Variants in METTL24 observed in about 807,000 individuals in gnomAD.
The protein encoded by METTL24 is methyltransferase like 24, also known as probable methyltransferase-like protein 24.
Under a neutral mutation model 32.7 loss-of-function variants are expected in METTL24, and 29 were observed. That is an observed-to-expected ratio of 0.89 (90% confidence interval 0.66 to 1.21). The LOEUF is 1.21. Among genes scored for constraint, METTL24 ranks in the 50% most tolerant of loss-of-function variants. The pLI, the probability that METTL24 is intolerant of heterozygous loss-of-function variation, is 0.00. For synonymous variants in METTL24, 163 were observed against 179.5 expected (o/e 0.91, Z 0.73); for missense variants, 439 against 468.1 (o/e 0.94, Z 0.57).
At chr6:110,268,463 G>A (rs1444335841) in intron 4 of METTL24, among the ~76,000 whole-genome samples, 2 of 152,130 alleles carry the variant, frequency 1.3e-5, no homozygotes, top group Non-Finnish European at 2.9e-5. Flanking sequence ...AATGATAGAA[G>A]AAAAGCAAAT....
chr6:110,283,937 C>A (rs926514291), intron 4 of METTL24, among the ~76,000 whole-genome samples: 2 of 152,138 alleles, frequency 1.3e-5, no homozygotes, highest in African/African-American at 4.8e-5. Context: ...TGTTTATTGA[C>A]AGATGAATGG....
At chr6:110,297,993 G>C (rs1771450683) in intron 4 of METTL24, among the ~76,000 whole-genome samples, 2 of 151,982 alleles carry the variant, frequency 1.3e-5, no homozygotes, top group Non-Finnish European at 2.9e-5. Flanking sequence ...ATGAAGAAAG[G>C]AGGCAGAGAA....
chr6:110,305,009 C>T (rs1011701098), intron 3 of METTL24, among the ~76,000 whole-genome samples: 1 of 152,154 alleles, frequency 6.6e-6, no homozygotes, highest in African/African-American at 2.4e-5. Context: ...CAATACTCAA[C>T]ATTTTTAAAG....
chr6:110,308,515 T>C (rs897255393), intron 3 of METTL24, among the ~76,000 whole-genome samples: 2 of 152,096 alleles, frequency 1.3e-5, no homozygotes, highest in African/African-American at 4.8e-5. Context: ...GAATGATCAA[T>C]AATAGTAAGT....
In METTL24 at chr6:110,246,036, G is replaced by C; in HGVS notation, c.1011C>G (p.Asp337Glu). The stretch of plus-strand genomic sequence containing the variant: ...TCAAGAATAGCTGAGGTTTAGATAA[G>C]TCTTTGTAACTGTGAAAAAGCCTGA... ...KDFRLFHSYK[D>E]LSKPQLFLKK... Residue 337 changes from aspartate to glutamate, a missense_variant, in exon 5 of 5, where the codon GAC (aspartate) becomes GAG (glutamate). Asp to Glu is a conservative substitution (Grantham distance 45). Coordinates refer to ENST00000338882, the MANE Select transcript of METTL24 (RefSeq NM_001123364.3). 2 of 1,614,146 alleles carry C rather than the reference G, an allele frequency of 1.2e-6. No homozygotes were observed. Among genetic ancestry groups the C allele is most frequent in the Non-Finnish European group, 8.5e-7 (1 of 1,180,008 alleles).
intron 2 of METTL24, among the ~76,000 whole-genome samples, chr6:110,320,456 T>C (rs1311586680): frequency 2.0e-5 from 3 of 152,148 alleles, no homozygotes; most frequent in African/African-American, 4.8e-5. Context: ...TTTAGTGTCA[T>C]CTCTGGTGAC....
At chr6:110,311,295 C>A (rs1771716330) in intron 3 of METTL24, among the ~76,000 whole-genome samples, 1 of 152,018 alleles carries the variant, frequency 6.6e-6, no homozygotes, top group South Asian at 2.1e-4. Flanking sequence ...TACCCACAAC[C>A]CAAAGCCTCT....
At chr6:110,298,439 T>C (rs1771460373) in intron 4 of METTL24, among the ~76,000 whole-genome samples, 1 of 152,210 alleles carries the variant, frequency 6.6e-6, no homozygotes, top group Admixed American at 6.5e-5. Flanking sequence ...TAAATCTTAA[T>C]CAAAGCTATA....
At chr6:110,266,465 T>C (rs1770859990) in intron 4 of METTL24, among the ~76,000 whole-genome samples, 1 of 152,148 alleles carries the variant, frequency 6.6e-6, no homozygotes, top group Non-Finnish European at 1.5e-5. Flanking sequence ...GCCAAATTGG[T>C]AAGCAATTTT....
At chr6:110,314,699 C>A (rs573852967) in intron 3 of METTL24, among the ~76,000 whole-genome samples, 1 of 152,276 alleles carries the variant, frequency 6.6e-6, no homozygotes, top group African/African-American at 2.4e-5. Flanking sequence ...CAGTGGCTCA[C>A]ACCTGTAATC....
At chr6:110,356,428 G>A (rs1235230859) in intron 1 of METTL24, among the ~76,000 whole-genome samples, 3 of 151,880 alleles carry the variant, frequency 2.0e-5, no homozygotes, top group Non-Finnish European at 4.4e-5. Flanking sequence ...GGGCGACACA[G>A]CAAGACTCCG....
At chr6:110,270,549 A>G (rs1770937585) in intron 4 of METTL24, among the ~76,000 whole-genome samples, 1 of 152,096 alleles carries the variant, frequency 6.6e-6, no homozygotes, top group South Asian at 2.1e-4. Context: ...TCAGGCAGAC[A>G]TTTTTCAGGC....
intron 1 of METTL24, among the ~76,000 whole-genome samples, chr6:110,350,532 G>C (rs1269053271): frequency 6.9e-6 from 1 of 144,860 alleles, no homozygotes; most frequent in African/African-American, 2.5e-5. Context: ...ATGCATGACA[G>C]AAAAAAAAAA....
chr6:110,254,035 C>A, intron 4 of METTL24: 1 of 1,150,762 alleles, frequency 8.7e-7, no homozygotes, highest in Non-Finnish European at 1.1e-6. Flanking sequence ...CACAAATTTG[C>A]ATTTGGGAAA....
At chr6:110,327,421 T>C (rs976043098) in intron 1 of METTL24, among the ~76,000 whole-genome samples, 22 of 152,324 alleles carry the variant, frequency 1.4e-4, no homozygotes, top group African/African-American at 5.1e-4. Flanking sequence ...CATTTCCAAC[T>C]GAGTGTTGAC....
chr6:110,295,013 C>CTTT (rs1195740747), intron 4 of METTL24, among the ~76,000 whole-genome samples: 2,890 of 78,070 alleles, frequency 0.037, 352 homozygotes, highest in African/African-American at 0.094. Context: ...TTCTTTCTTT[C>CTTT]TTTTTTTTTT....
intron 4 of METTL24, among the ~76,000 whole-genome samples, chr6:110,254,756 C>T (rs997104931): frequency 4.6e-5 from 7 of 152,192 alleles, no homozygotes; most frequent in African/African-American, 1.7e-4. Context: ...TATTCAATCA[C>T]AATTTTAAAA....
chr6:110,283,919 A>G (rs1771178030), intron 4 of METTL24, among the ~76,000 whole-genome samples: 1 of 152,216 alleles, frequency 6.6e-6, no homozygotes, highest in Non-Finnish European at 1.5e-5. Flanking sequence ...GGGGTCAAGC[A>G]ACTCCCGTGT....
At chr6:110,285,008 A>C (rs1188000668) in intron 4 of METTL24, among the ~76,000 whole-genome samples, 15 of 152,246 alleles carry the variant, frequency 9.9e-5, no homozygotes. Flanking sequence ...TGCATCATGT[A>C]ATAAACAGCA....
Sources: allele counts gnomAD v4.1 joint callset (sites outside exome capture counted in the v4.1 genomes callset), GRCh38; gene constraint gnomAD v4.1.1; transcripts MANE v1.5; gene names NCBI Gene and HGNC (gene_info 2026-07-23, HGNC 2026-07-21).